The following KCNIP4 variants were observed in gnomAD, a reference collection of about 807,000 sequenced individuals.
KCNIP4 encodes Kv channel-interacting protein 4.
A neutral mutation model predicts 34.0 loss-of-function variants in KCNIP4; 12 were observed. The observed-to-expected ratio is 0.35, with a 90% CI of 0.23 to 0.57. The LOEUF (loss-of-function observed/expected upper bound fraction) is 0.57. KCNIP4 is among the 20% of genes least tolerant of loss of function. The probability of loss-of-function intolerance (pLI) is 0.83; values close to 1 mark genes in which losing one functional copy is unlikely to be tolerated. For synonymous variants in KCNIP4, 124 were observed against 102.2 expected (o/e 1.21, Z -1.29); for missense variants, 238 against 311.7 (o/e 0.76, Z 1.78).
chr4:21,834,135 A>C (rs1406231566), intron 1 of KCNIP4, among the ~76,000 whole-genome samples: 1 of 152,142 alleles, frequency 6.6e-6, no homozygotes, highest in East Asian at 1.9e-4. Context: ...GAAGAAAGTC[A>C]TTGGTAGCTT....
intron 1 of KCNIP4, among the ~76,000 whole-genome samples, chr4:21,601,156 T>G (rs1743111341): frequency 6.6e-6 from 1 of 151,866 alleles, no homozygotes; most frequent in South Asian, 2.1e-4. Context: ...CCAATCTCCC[T>G]CCTCTCAATT....
intron 1 of KCNIP4, among the ~76,000 whole-genome samples, chr4:21,115,123 C>T (rs1425789076): frequency 6.6e-6 from 1 of 152,154 alleles, no homozygotes; most frequent in Non-Finnish European, 1.5e-5. Flanking sequence ...GTTTTCCTCA[C>T]AGTAGTCTTC....
At chr4:20,784,499 T>G (rs934059272) in intron 3 of KCNIP4, among the ~76,000 whole-genome samples, 4 of 152,206 alleles carry the variant, frequency 2.6e-5, no homozygotes, top group Non-Finnish European at 5.9e-5. Flanking sequence ...TAGCCAAATT[T>G]AGGATGACTT....
At chr4:21,025,482 G>C (rs1740444428) in intron 1 of KCNIP4, among the ~76,000 whole-genome samples, 1 of 64,396 alleles carries the variant, frequency 1.6e-5, no homozygotes. Context: ...CTGAGAGAGA[G>C]AGAGAGAGAG....
intron 1 of KCNIP4, among the ~76,000 whole-genome samples, chr4:21,709,139 A>T (rs74286722): frequency 6.6e-6 from 1 of 152,138 alleles, no homozygotes; most frequent in African/African-American, 2.4e-5. Context: ...CCAAAAAAAA[A>T]CAATTGTGAG....
intron 3 of KCNIP4, among the ~76,000 whole-genome samples, chr4:20,762,805 C>T (rs943565208): frequency 6.6e-6 from 1 of 152,152 alleles, no homozygotes; most frequent in African/African-American, 2.4e-5. Flanking sequence ...TTCATTTCCA[C>T]ACTGCTATAA....
At chr4:21,122,748 C>A (rs765604050) in intron 1 of KCNIP4, among the ~76,000 whole-genome samples, 2 of 152,058 alleles carry the variant, frequency 1.3e-5, no homozygotes, top group Non-Finnish European at 2.9e-5. Context: ...TAGGGCATAC[C>A]CTCTAGTACT....
chr4:21,697,509 AGAG>A, intron 1 of KCNIP4: 1 of 1,491,146 alleles, frequency 6.7e-7, no homozygotes, highest in African/African-American at 1.5e-5. Flanking sequence ...AATAATAAAA[AGAG>A]AGTCTCTGAG....
chr4:21,619,141 C>T (rs995466860), intron 1 of KCNIP4, among the ~76,000 whole-genome samples: 1 of 149,004 alleles, frequency 6.7e-6, no homozygotes, highest in Non-Finnish European at 1.5e-5. Context: ...AGAAGTTAGT[C>T]CATTGGCCTC....
intron 1 of KCNIP4, among the ~76,000 whole-genome samples, chr4:21,620,056 C>T (rs778146299): frequency 7.2e-5 from 11 of 152,098 alleles, no homozygotes; most frequent in Non-Finnish European, 1.2e-4. Flanking sequence ...TAATATACAC[C>T]AGAAATTTTA....
intron 1 of KCNIP4, among the ~76,000 whole-genome samples, chr4:21,327,782 T>C (rs1715239174): frequency 6.6e-6 from 1 of 152,012 alleles, no homozygotes; most frequent in Non-Finnish European, 1.5e-5. Flanking sequence ...TTTCAAATAG[T>C]CTGTCTTCAA....
chr4:21,350,170 G>T (rs550675220), intron 1 of KCNIP4, among the ~76,000 whole-genome samples: 2 of 152,126 alleles, frequency 1.3e-5, no homozygotes, highest in African/African-American at 4.8e-5. Flanking sequence ...AAAGAAAACT[G>T]GTATGAACAT....
In KCNIP4 at chr4:20,750,018, C is replaced by T. The variant is rs189781101; in HGVS notation, c.359-286G>A. On this transcript the variant is annotated intron_variant, in intron 4 of 8. Transcript: ENST00000382152. ...GATTAACACTGGGACAAGAAATGGT[C>T]CCATAGGTGGATGTGAAGATTGAGA... 2.3e-3 allele frequency among the ~76,000 whole-genome samples: 356 copies of T among 152,168 alleles called. 8 individuals are homozygous for T. The South Asian group carries it at 0.047, about 20-fold the overall frequency.
intron 1 of KCNIP4, among the ~76,000 whole-genome samples, chr4:21,087,479 G>C (rs1295824440): frequency 6.6e-6 from 1 of 151,942 alleles, no homozygotes; most frequent in East Asian, 1.9e-4. Context: ...GTAGACATGG[G>C]GTTTCATCAT....
intron 1 of KCNIP4, among the ~76,000 whole-genome samples, chr4:20,932,276 T>C (rs1320103080): frequency 1.2e-5 from 1 of 86,070 alleles, no homozygotes; most frequent in African/African-American, 5.6e-5. Flanking sequence ...ACTATAATAG[T>C]CTATAACAGT....
intron 1 of KCNIP4, among the ~76,000 whole-genome samples, chr4:21,461,740 C>T (rs1456586854): frequency 1.3e-5 from 2 of 151,816 alleles, no homozygotes; most frequent in Admixed American, 6.6e-5. Flanking sequence ...TCTTTCCTGC[C>T]TCACATGCCT....
At chr4:20,919,774 A>G (rs1393785129) in intron 1 of KCNIP4, among the ~76,000 whole-genome samples, 1 of 152,084 alleles carries the variant, frequency 6.6e-6, no homozygotes, top group East Asian at 1.9e-4. Flanking sequence ...TCAAATGAGA[A>G]AGCAGCTGGT....
chr4:21,677,995 GC>G (rs1328768871), intron 1 of KCNIP4, among the ~76,000 whole-genome samples: 17 of 152,196 alleles, frequency 1.1e-4, no homozygotes, highest in African/African-American at 4.1e-4. Context: ...CAGGTGATCT[GC>G]CTGCCTCGGC....
At chr4:21,121,241 C>T (rs1268637773) in intron 1 of KCNIP4, among the ~76,000 whole-genome samples, 1 of 152,150 alleles carries the variant, frequency 6.6e-6, no homozygotes, top group African/African-American at 2.4e-5. Context: ...GTCCGGCCCC[C>T]TTATGCAGAA....
Sources: allele counts gnomAD v4.1 joint callset (sites outside exome capture counted in the v4.1 genomes callset), GRCh38; gene constraint gnomAD v4.1.1; transcripts MANE v1.5; gene names NCBI Gene and HGNC (gene_info 2026-07-23, HGNC 2026-07-21).